Variants in SRP54 observed in about 807,000 individuals in gnomAD.
SRP54 encodes signal recognition particle subunit SRP54.
In SRP54, 10 loss-of-function variants were observed where a neutral mutation model predicts 64.8. That is an observed-to-expected ratio of 0.15 (90% CI 0.10 to 0.26). The LOEUF (loss-of-function observed/expected upper bound fraction) is 0.26. SRP54 is among the 10% of genes least tolerant of loss of function. SRP54 has a pLI of 1.00. For missense variants in SRP54, 325 were observed against 613.7 expected (o/e 0.53, Z 4.97); for synonymous variants, 193 against 185.6 (o/e 1.04, Z -0.32).
chr14:34,994,625 C>T (rs2044037808), intron 1 of SRP54, among the ~76,000 whole-genome samples: 1 of 152,140 alleles, frequency 6.6e-6, no homozygotes. Flanking sequence ...AGACTTACCT[C>T]TCTCTCCATT....
intron 13 of SRP54, among the ~76,000 whole-genome samples, chr14:35,022,038 G>A (rs2044539612): frequency 6.6e-6 from 1 of 152,112 alleles, no homozygotes; most frequent in Admixed American, 6.6e-5. Context: ...GTAATTACTT[G>A]ATTATAGGAA....
At chr14:34,999,271 T>TC (rs2044134151) in intron 2 of SRP54, among the ~76,000 whole-genome samples, 1 of 152,050 alleles carries the variant, frequency 6.6e-6, no homozygotes, top group Non-Finnish European at 1.5e-5. Flanking sequence ...CACCTCGGCC[T>TC]CCCAAAGTGT....
chr14:35,005,043 G>A (rs1393026835), intron 4 of SRP54, among the ~76,000 whole-genome samples: 1 of 152,170 alleles, frequency 6.6e-6, no homozygotes, highest in Non-Finnish European at 1.5e-5. Context: ...CACAAAAGCA[G>A]TAAATGGGTC....
At position 35,008,778 on chromosome 14, in the gene SRP54, T is replaced by G; in HGVS notation, c.432T>G (p.Ala144=). ...LICADTFRAG[A]FDQLKQNATK... is the part of the protein sequence containing the mutation. ...CATGAACTCTTTATCTTCCAGGGGCTTTTGACCAACTAAAACAGAATGCTA... is the reference window on the plus strand; with the variant it reads ...CATGAACTCTTTATCTTCCAGGGGCGTTTGACCAACTAAAACAGAATGCTA... Residue 144 remains alanine, a synonymous_variant, in exon 7 of 16, where the codon GCT becomes GCG. Transcript: ENST00000216774. 1 of 1,610,202 alleles carries G rather than the reference T, an allele frequency of 6.2e-7. No homozygotes were observed. Among genetic ancestry groups the G allele is most frequent in the Non-Finnish European group, 8.5e-7 (1 of 1,178,954 alleles).
rs577403284 is a variant in SRP54, at chr14:35,024,813, G to A, written c.1327+1733G>A. On this transcript the variant is annotated intron_variant, in intron 14 of 15. Transcript: ENST00000216774. ...ATGATCTCAGCTCACTGCAACCTCC[G>A]CCTCCTGGGTTCAAGCTATTCTCCT... Among the ~76,000 whole-genome samples the A allele has an allele frequency of 1.7e-4, 26 of 152,000 alleles. No individual in the cohort carries two copies. In the East Asian group the frequency reaches 4.4e-3, roughly 26 times the overall value.
At chr14:35,007,690 TA>T (rs1381947305) in intron 5 of SRP54, among the ~76,000 whole-genome samples, 1 of 124,858 alleles carries the variant, frequency 8.0e-6, no homozygotes, top group African/African-American at 2.7e-5. Flanking sequence ...TATATTTACA[TA>T]AAATAGATTT....
chr14:35,027,115 C>T (rs371657798), intron 14 of SRP54, among the ~76,000 whole-genome samples: 11 of 151,488 alleles, frequency 7.3e-5, no homozygotes, highest in African/African-American at 1.7e-4. Context: ...CTGCAACCTC[C>T]GCCTCCCGGA....
chr14:35,018,836 T>G (rs1566654801), intron 12 of SRP54, 71 bp downstream of exon 12: 7 of 1,474,200 alleles, frequency 4.7e-6, no homozygotes, highest in Non-Finnish European at 4.7e-6. Context: ...ACACTTGCTT[T>G]AATTATTTTT....
chr14:35,018,906 T>C, intron 12 of SRP54, 60 bp from the exon 13 acceptor site: 1 of 1,495,898 alleles, frequency 6.7e-7, no homozygotes, highest in Non-Finnish European at 9.3e-7. Context: ...TAGTTAAATG[T>C]GGACATTTTG....
chr14:35,023,676 C>T (rs537223585), intron 14 of SRP54, among the ~76,000 whole-genome samples: 5 of 151,602 alleles, frequency 3.3e-5, no homozygotes, highest in South Asian at 2.1e-4. Context: ...CCCAGCTACT[C>T]GGGAGGCTGA....
At chr14:34,988,135 A>G (rs559251263) in intron 1 of SRP54, among the ~76,000 whole-genome samples, 1 of 152,304 alleles carries the variant, frequency 6.6e-6, no homozygotes, top group South Asian at 2.1e-4. Flanking sequence ...TTTAACTTTT[A>G]CAGTGAAGAT....
intron 14 of SRP54, among the ~76,000 whole-genome samples, chr14:35,027,300 G>C (rs2044647291): frequency 6.6e-6 from 1 of 151,978 alleles, no homozygotes; most frequent in African/African-American, 2.4e-5. Flanking sequence ...AGAGTGCTAG[G>C]ATTATAGTTG....
intron 11 of SRP54, among the ~76,000 whole-genome samples, chr14:35,015,975 A>G (rs1231638662): frequency 6.6e-6 from 1 of 152,214 alleles, no homozygotes; most frequent in East Asian, 1.9e-4. Context: ...TTATCAATGA[A>G]TATTAATATC....
intron 4 of SRP54, 59 bp downstream of exon 4, chr14:35,001,079 C>T: frequency 1.3e-6 from 1 of 767,774 alleles, no homozygotes; most frequent in Non-Finnish European, 2.0e-6. Context: ...AAAGCGTTAG[C>T]ACTACAAATA....
At chr14:35,006,052 G>A (rs2138993386) in intron 4 of SRP54, among the ~76,000 whole-genome samples, 1 of 151,894 alleles carries the variant, frequency 6.6e-6, no homozygotes, top group South Asian at 2.1e-4. Flanking sequence ...TGTTAGCCAG[G>A]ATGGTCTCAA....
chr14:35,009,916 G>A (rs2044327537), intron 7 of SRP54, among the ~76,000 whole-genome samples: 1 of 152,060 alleles, frequency 6.6e-6, no homozygotes, highest in Admixed American at 6.6e-5. Flanking sequence ...TTGGGAGGCT[G>A]AGGCGGGCGG....
chr14:34,991,994 C>T (rs1316313614), intron 1 of SRP54, among the ~76,000 whole-genome samples: 2 of 152,196 alleles, frequency 1.3e-5, no homozygotes, highest in Non-Finnish European at 2.9e-5. Flanking sequence ...AGTGCAGTGG[C>T]ACCATCTCGG....
intron 1 of SRP54, among the ~76,000 whole-genome samples, chr14:34,990,064 C>G (rs909406113): frequency 3.3e-5 from 5 of 152,168 alleles, no homozygotes; most frequent in Admixed American, 2.6e-4. Flanking sequence ...AAGTGTGATA[C>G]TTGGCCCTGT....
At chr14:35,024,514 T>G (rs2044589103) in intron 14 of SRP54, among the ~76,000 whole-genome samples, 1 of 152,184 alleles carries the variant, frequency 6.6e-6, no homozygotes, top group Non-Finnish European at 1.5e-5. Flanking sequence ...TTGGTTTATG[T>G]CTTCAAATAT....
Sources: gnomAD v4.1 joint callset for allele counts (sites outside exome capture counted in the v4.1 genomes callset) on GRCh38, gnomAD v4.1.1 for gene constraint, MANE v1.5 for transcripts, NCBI Gene and HGNC (gene_info 2026-07-23, HGNC 2026-07-21) for gene names.